KCNA2: variants seen among roughly 807,000 people sequenced by gnomAD.
KCNA2 encodes the protein potassium channel, voltage gated shaker related subfamily A, member 2.
In KCNA2, 11 loss-of-function variants were observed where a neutral mutation model predicts 33.4. The ratio of observed to expected loss-of-function variants is 0.33; its 90% CI spans 0.21 to 0.55. KCNA2 has a LOEUF of 0.55. Ranked by LOEUF, KCNA2 falls within the 20% of genes least tolerant of loss-of-function variation. The pLI is 0.93. For synonymous variants in KCNA2, 222 were observed against 231.3 expected (o/e 0.96, Z 0.37); for missense variants, 291 against 621.6 (o/e 0.47, Z 5.66).
At chr1:110,621,556 A>G (rs1258927435) in intron 1 of KCNA2, among the ~76,000 whole-genome samples, 1 of 152,216 alleles carries the variant, frequency 6.6e-6, no homozygotes, top group Non-Finnish European at 1.5e-5. Flanking sequence ...ATGAAATCAA[A>G]ACTGGTACTT....
chr1:110,630,488 A>G (rs1389560470), intron 1 of KCNA2, among the ~76,000 whole-genome samples: 3 of 152,216 alleles, frequency 2.0e-5, no homozygotes, highest in Admixed American at 6.5e-5. Context: ...AGCATGACAC[A>G]GAATGGGTGC....
Position 110,600,184 on chromosome 1 carries a change from GTA to G in KCNA2, c.*3097_*3098del. The G allele has an allele frequency of 1.0e-6, 1 of 983,332 alleles. No individual in the cohort carries two copies. The highest frequency in any genetic ancestry group is 1.2e-6 in the Non-Finnish European group (1 of 829,580). 60.9% of individuals were successfully genotyped at this position (983,332 alleles called of 1,614,324 possible). A position where few individuals can be genotyped will look rare whatever the true frequency, so the allele number is the denominator to read the frequency against. On this transcript the variant is annotated 3_prime_UTR_variant, in exon 3 of 3. Coordinates refer to ENST00000316361, the MANE Select transcript of KCNA2 (RefSeq NM_004974.4). Reference sequence around the variant, plus strand: ...TCTGGGGGCAGGGCAATGGGTCTGAGTATATGTCTGCATTTCATGTGTATTGT... The same window carrying G: ...TCTGGGGGCAGGGCAATGGGTCTGAGTATGTCTGCATTTCATGTGTATTGT...
At chr1:110,629,932 G>A (rs1377213591) in intron 1 of KCNA2, among the ~76,000 whole-genome samples, 2 of 151,676 alleles carry the variant, frequency 1.3e-5, no homozygotes, top group Non-Finnish European at 2.9e-5. Flanking sequence ...TGCAGTGGTG[G>A]GTAGGTTTGA....
Position 110,597,249 on chromosome 1 carries a change from G to A in KCNA2, c.*6034C>T, listed in dbSNP as rs1221824635. 16 of 985,284 alleles carry A rather than the reference G, an allele frequency of 1.6e-5. No homozygotes were observed. Among genetic ancestry groups the A allele is most frequent in the Non-Finnish European group, 1.9e-5 (16 of 829,952 alleles). 61.0% of individuals were successfully genotyped at this position (985,284 alleles called of 1,614,324 possible). ...TCCGTCTCCCTGGGGAAGGGAGAAG[G>A]GGAAGCAAAAGGATCAAGTAATGGC... On this transcript the variant is annotated 3_prime_UTR_variant, in exon 3 of 3. Coordinates refer to ENST00000316361, the MANE Select transcript of KCNA2 (RefSeq NM_004974.4).
At position 110,600,788 on chromosome 1, in the gene KCNA2, G is replaced by T; in HGVS notation, c.*2495C>A. On this transcript the variant is annotated 3_prime_UTR_variant, in exon 3 of 3. Transcript: ENST00000316361. The stretch of plus-strand genomic sequence containing the variant: ...GAAGGAGAGGAAGAGAAGCACAGAG[G>T]CTTTGTGCTGGGCATGGGATGCCCT... 1 of 985,418 alleles carries T rather than the reference G, an allele frequency of 1.0e-6. No homozygotes were observed. The highest frequency in any genetic ancestry group is 1.1e-4 in the East Asian group (1 of 8,804). 61.0% of individuals were successfully genotyped at this position (985,418 alleles called of 1,614,324 possible).
Position 110,595,981 on chromosome 1 carries a change from G to T in KCNA2, c.*7302C>A. On this transcript the variant is annotated 3_prime_UTR_variant, in exon 3 of 3. Coordinates refer to ENST00000316361, the MANE Select transcript of KCNA2 (RefSeq NM_004974.4). ...TTTGGAATAACTTTTCTGATCCTCAGTGATGAGGTTATAGCCAACCAGGGC... is the reference window on the plus strand; with the variant it reads ...TTTGGAATAACTTTTCTGATCCTCATTGATGAGGTTATAGCCAACCAGGGC... The T allele has an allele frequency of 1.0e-6, 1 of 985,402 alleles. No homozygotes were observed. The highest frequency in any genetic ancestry group is 1.2e-6 in the Non-Finnish European group (1 of 829,902). The allele number at this position is 985,402 out of a possible 1,614,324, so 61.0% of individuals were successfully genotyped here.
Position 110,602,166 on chromosome 1 carries a change from C to T in KCNA2, c.*1117G>A, listed in dbSNP as rs763452244. 1.2e-5 allele frequency: 18 copies of T among 1,550,274 alleles called. No homozygotes were observed. The highest frequency in any genetic ancestry group is 1.2e-5 in the South Asian group (1 of 84,056). On this transcript the variant is annotated 3_prime_UTR_variant, in exon 3 of 3. Transcript: ENST00000316361. ...ACTCTTCTGGCTTTGCAGAGGTCTG[C>T]GTTCCTGTTTAGAAGAACAGGGATA...
Position 110,603,199 on chromosome 1 carries a change from G to T in KCNA2, c.*84C>A, listed in dbSNP as rs1649433148. 5 of 1,527,180 alleles carry T rather than the reference G, an allele frequency of 3.3e-6. No individual in the cohort carries two copies. The South Asian group carries it at 6.7e-5, about 20-fold the overall frequency. The allele number at this position is 1,527,180 out of a possible 1,614,324, so 94.6% of individuals were successfully genotyped here. A position where few individuals can be genotyped will look rare whatever the true frequency, so the allele number is the denominator to read the frequency against. On this transcript the variant is annotated 3_prime_UTR_variant, in exon 3 of 3. Coordinates refer to ENST00000316361, the MANE Select transcript of KCNA2 (RefSeq NM_004974.4). The surrounding 1 kb of genome is among the most constrained non-coding windows in gnomAD (Gnocchi z 5.7). ...TTCCATGCAGAACCAGATACACACT[G>T]TAGAACACACTGACTACAATGCAGG...
At chr1:110,623,274 T>C (rs887126267) in intron 1 of KCNA2, among the ~76,000 whole-genome samples, 1 of 152,212 alleles carries the variant, frequency 6.6e-6, no homozygotes, top group Non-Finnish European at 1.5e-5. Flanking sequence ...CACATGTACA[T>C]AGACCTTTTC....
Position 110,596,483 on chromosome 1 carries a change from G to A in KCNA2, c.*6800C>T, listed in dbSNP as rs540738379. 25 of 173,758 alleles carry A rather than the reference G, an allele frequency of 1.4e-4. No individual in the cohort carries two copies. The highest frequency in any genetic ancestry group is 2.6e-4 in the African/African-American group (11 of 41,994). 10.8% of individuals were successfully genotyped at this position (173,758 alleles called of 1,614,324 possible). On this transcript the variant is annotated 3_prime_UTR_variant, in exon 3 of 3. Coordinates refer to ENST00000316361, the MANE Select transcript of KCNA2 (RefSeq NM_004974.4). ...AGAGGCAAATGACAGCAAGGGCTCC[G>A]ATGAGCCAGGATGTGCCCCAGTGGC...
At chr1:110,625,237 G>A (rs758745497) in intron 1 of KCNA2, among the ~76,000 whole-genome samples, 3 of 152,082 alleles carry the variant, frequency 2.0e-5, no homozygotes, top group African/African-American at 4.8e-5. Context: ...TACTTATTCC[G>A]TACTGTAAAA....
In KCNA2 at chr1:110,595,818, T is replaced by C; in HGVS notation, c.*7465A>G. 2 of 985,486 alleles carry C rather than the reference T, an allele frequency of 2.0e-6. No homozygotes were observed. The highest frequency in any genetic ancestry group is 2.4e-6 in the Non-Finnish European group (2 of 829,944). 61.0% of individuals were successfully genotyped at this position (985,486 alleles called of 1,614,324 possible). A position where few individuals can be genotyped will look rare whatever the true frequency, so the allele number is the denominator to read the frequency against. On this transcript the variant is annotated 3_prime_UTR_variant, in exon 3 of 3. Coordinates refer to ENST00000316361, the MANE Select transcript of KCNA2 (RefSeq NM_004974.4). ...CCTCACCTTCTGTGTGGCAGAGATG[T>C]GCTTTAGTTCTTCATTGGAATGTTA...
rs769864607 is a variant in KCNA2, at chr1:110,625,625, G to T, written c.-496+5770C>A. Among the ~76,000 whole-genome samples, 3 of 152,062 alleles carry T rather than the reference G, an allele frequency of 2.0e-5. No homozygotes were observed. In the South Asian group the frequency reaches 6.2e-4, roughly 32 times the overall value. On this transcript the variant is annotated intron_variant, in intron 1 of 4. Coordinates refer to the KCNA2 transcript ENST00000369770. ...CAATTACAACAACAACAAAACTTTT[G>T]CACAGTAAAAAATATGGTAAGACAA...
upstream of KCNA2, among the ~76,000 whole-genome samples, chr1:110,610,012 C>T (rs1649816036): frequency 6.6e-6 from 1 of 152,176 alleles, no homozygotes; most frequent in Non-Finnish European, 1.5e-5. Context: ...TTAACTGAGC[C>T]CCCTTTCCAG....
upstream of KCNA2, among the ~76,000 whole-genome samples, chr1:110,608,460 C>CG (rs1286721922): frequency 6.6e-6 from 1 of 152,196 alleles, no homozygotes; most frequent in African/African-American, 2.4e-5. Context: ...CCCTACCCTC[C>CG]GGCCGGGAAA....
At position 110,595,333 on chromosome 1, in the gene KCNA2, G is replaced by T. The variant is rs956764551; in HGVS notation, c.*7950C>A. 24 of 985,322 alleles carry T rather than the reference G, an allele frequency of 2.4e-5. No individual in the cohort carries two copies. The highest frequency in any genetic ancestry group is 6.0e-6 in the Non-Finnish European group (5 of 829,956). The allele number at this position is 985,322 out of a possible 1,614,324, so 61.0% of individuals were successfully genotyped here. ...CCATTTCCATGCTGAGGTTCATGAA[G>T]TACAAGAAGTAGCCATCCAGACAGG... On this transcript the variant is annotated 3_prime_UTR_variant, in exon 3 of 3. Coordinates refer to ENST00000316361, the MANE Select transcript of KCNA2 (RefSeq NM_004974.4).
At chr1:110,614,003 C>T (rs187579959) in intron 1 of KCNA2, among the ~76,000 whole-genome samples, 1 of 152,216 alleles carries the variant, frequency 6.6e-6, no homozygotes, top group South Asian at 2.1e-4. Flanking sequence ...CAACTTTGGA[C>T]AGAGCTAACT....
At position 110,598,932 on chromosome 1, in the gene KCNA2, G is replaced by C. The variant is rs1649219820; in HGVS notation, c.*4351C>G. On this transcript the variant is annotated 3_prime_UTR_variant, in exon 3 of 3. Transcript: ENST00000316361. ...CCTTTCCTGGGCCTATTCCTTTTCG[G>C]TCTCCTGAAAACTCCAAGTTTCTTG... is the stretch of plus-strand genomic sequence containing the variant. 9 of 985,138 alleles carry C rather than the reference G, an allele frequency of 9.1e-6. No individual in the cohort carries two copies. The highest frequency in any genetic ancestry group is 9.6e-6 in the Non-Finnish European group (8 of 829,934). 61.0% of individuals were successfully genotyped at this position (985,138 alleles called of 1,614,324 possible).
In KCNA2 at chr1:110,604,963, T is replaced by A; in HGVS notation, c.-163-18A>T. 1 of 622,342 alleles carries A rather than the reference T, an allele frequency of 1.6e-6. No homozygotes were observed. Among genetic ancestry groups the A allele is most frequent in the Non-Finnish European group, 2.8e-6 (1 of 356,640 alleles). The allele number at this position is 622,342 out of a possible 1,614,324, so 38.6% of individuals were successfully genotyped here. ...TCGCTTGGCTGAAAGACAGAGGCAG[T>A]TATTGACATGAGGCTACTCAGCATT... is the stretch of plus-strand genomic sequence containing the variant. On this transcript the variant is annotated intron_variant, in intron 2 of 2. Coordinates refer to ENST00000316361, the MANE Select transcript of KCNA2 (RefSeq NM_004974.4). This position sits in a 1 kb window ranked among gnomAD's most constrained non-coding sequence, Gnocchi z 7.6.
Sources: gnomAD v4.1 joint callset for allele counts (sites outside exome capture counted in the v4.1 genomes callset) on GRCh38, gnomAD v4.1.1 for gene constraint, Gnocchi (gnomAD v3.1) non-coding constraint, MANE v1.5 for transcripts, NCBI Gene and HGNC (gene_info 2026-07-23, HGNC 2026-07-21) for gene names.